PTPRN2: variants seen among roughly 807,000 people sequenced by gnomAD.
PTPRN2 encodes the protein protein tyrosine phosphatase receptor type N2, also known as receptor-type tyrosine-protein phosphatase N2.
PTPRN2 carries 74 observed loss-of-function variants against 118.8 expected under a neutral mutation model. That is an observed-to-expected ratio of 0.62 (90% CI 0.52 to 0.76). The LOEUF (loss-of-function observed/expected upper bound fraction) is 0.76, where lower values mean the gene tolerates loss of function less well. Ranked by LOEUF, PTPRN2 falls within the 30% of genes least tolerant of loss-of-function variation. The pLI is 0.00. For synonymous variants in PTPRN2, 641 were observed against 608.0 expected, an observed-to-expected ratio of 1.05 and a Z score of -0.80; for missense variants, 1,481 against 1,394.4, an observed-to-expected ratio of 1.06 and a Z score of -0.99.
At chr7:158,331,693 T>C (rs1176344078) in intron 2 of PTPRN2, among the ~76,000 whole-genome samples, 2 of 137,758 alleles carry the variant, frequency 1.5e-5, no homozygotes, top group African/African-American at 5.8e-5. Context: ...AGGTGACACT[T>C]GCAGACGTCA....
chr7:158,252,440 A>G (rs1484905663), intron 3 of PTPRN2, among the ~76,000 whole-genome samples: 1 of 152,134 alleles, frequency 6.6e-6, no homozygotes, highest in South Asian at 2.1e-4. Context: ...ACCCAAGCAT[A>G]CTGCTCCTGA....
intron 2 of PTPRN2, among the ~76,000 whole-genome samples, chr7:158,466,373 C>CT (rs760814560): frequency 1.8e-4 from 27 of 149,622 alleles, no homozygotes; most frequent in East Asian, 1.2e-3. Context: ...ATGTAGTCAA[C>CT]TTTTTTTTTT....
chr7:158,060,411 A>T (rs1810234992), intron 11 of PTPRN2, among the ~76,000 whole-genome samples: 1 of 152,168 alleles, frequency 6.6e-6, no homozygotes, highest in Non-Finnish European at 1.5e-5. Context: ...GTGTGTGTGT[A>T]ACCTGCTTTC....
chr7:158,146,446 G>A (rs892743992), intron 6 of PTPRN2, among the ~76,000 whole-genome samples: 10 of 152,208 alleles, frequency 6.6e-5, no homozygotes, highest in African/African-American at 2.4e-4. Flanking sequence ...AATAGGCTGG[G>A]CTTGGTGGCT....
In PTPRN2 at chr7:157,540,503, C is replaced by T. The variant is rs1002970652; in HGVS notation, c.*211G>A. 3.1e-5 allele frequency: 13 copies of T among 420,296 alleles called. No homozygotes were observed. Among genetic ancestry groups the T allele is most frequent in the Admixed American group, 3.0e-4 (7 of 23,468 alleles). The allele number at this position is 420,296 out of a possible 1,614,324, so 26.0% of individuals were successfully genotyped here. Reference sequence around the variant, plus strand: ...GAAAATTGATGAACCGATTCCCCTCCACCCGTAACTGGATTTTTCCACAAA... The same window carrying T: ...GAAAATTGATGAACCGATTCCCCTCTACCCGTAACTGGATTTTTCCACAAA... On this transcript the variant is annotated 3_prime_UTR_variant, in exon 23 of 23. Transcript: ENST00000389418.
chr7:158,120,117 G>A (rs1387410102), intron 9 of PTPRN2, among the ~76,000 whole-genome samples: 3 of 152,142 alleles, frequency 2.0e-5, no homozygotes, highest in Non-Finnish European at 4.4e-5. Flanking sequence ...CAAATTCTGT[G>A]TGTCTACCCA....
Position 157,580,559 on chromosome 7 carries a change from A to G in PTPRN2, c.2497-2419T>C, listed in dbSNP as rs376446059. ...CCCGAGCCGAGCCCCTGCACATCTG[A>G]GCACCTGCACATCCGAGCCCCTGCA... is the stretch of plus-strand genomic sequence containing the variant. On this transcript the variant is annotated intron_variant, in intron 17 of 22. Coordinates refer to ENST00000389418, the MANE Select transcript of PTPRN2 (RefSeq NM_002847.5). Among the ~76,000 whole-genome samples the G allele has an allele frequency of 2.9e-3, 360 of 123,060 alleles. 1 individual carries two copies. The highest frequency in any genetic ancestry group is 0.011 in the African/African-American group (344 of 31,236). The allele number at this position is 123,060 out of a possible 152,430, so 80.7% of individuals were successfully genotyped here.
chr7:158,066,196 A>C (rs1810759208), intron 11 of PTPRN2, among the ~76,000 whole-genome samples: 1 of 152,250 alleles, frequency 6.6e-6, no homozygotes, highest in African/African-American at 2.4e-5. Context: ...TCCGTCAGCA[A>C]GATGGTGTGC....
intron 3 of PTPRN2, among the ~76,000 whole-genome samples, chr7:158,243,672 C>T (rs1419379452): frequency 6.6e-6 from 1 of 152,148 alleles, no homozygotes; most frequent in Non-Finnish European, 1.5e-5. Flanking sequence ...AGGCTCTGCT[C>T]CTTGGCAGTA....
intron 1 of PTPRN2, among the ~76,000 whole-genome samples, chr7:158,580,181 G>A (rs1425583999): frequency 2.0e-5 from 3 of 152,194 alleles, no homozygotes; most frequent in East Asian, 1.9e-4. Context: ...CTAGAAGAGC[G>A]GCTATTTCAG....
chr7:158,400,102 C>G (rs1812821118), intron 2 of PTPRN2, among the ~76,000 whole-genome samples: 1 of 152,142 alleles, frequency 6.6e-6, no homozygotes, highest in South Asian at 2.1e-4. Flanking sequence ...TAACAGATGC[C>G]TTTATGTCAT....
intron 11 of PTPRN2, among the ~76,000 whole-genome samples, chr7:158,053,955 AC>A (rs1181701173): frequency 2.0e-5 from 3 of 150,906 alleles, no homozygotes; most frequent in African/African-American, 7.3e-5. Flanking sequence ...AGATGCAGAG[AC>A]CCCAGAGATG....
chr7:157,587,995 G>A lies in PTPRN2; in HGVS notation c.2496+7243C>T, dbSNP rs1050574135. Among the ~76,000 whole-genome samples, 7 of 150,420 alleles carry A rather than the reference G, an allele frequency of 4.7e-5. No individual in the cohort carries two copies. The highest frequency in any genetic ancestry group is 7.4e-5 in the African/African-American group (3 of 40,810). On this transcript the variant is annotated intron_variant, in intron 17 of 22. Transcript: ENST00000389418. The surrounding 1 kb of genome is among the most constrained non-coding windows in gnomAD (Gnocchi z 5.3). ...CTGGGCTCCCGCGGTGGCTGTCCCCGTGCCTGGGCTCCCGCGGTGGCTGTC... is the reference window on the plus strand; with the variant it reads ...CTGGGCTCCCGCGGTGGCTGTCCCCATGCCTGGGCTCCCGCGGTGGCTGTC...
chr7:158,556,244 T>A (rs1826981525), intron 1 of PTPRN2, among the ~76,000 whole-genome samples: 1 of 151,914 alleles, frequency 6.6e-6, no homozygotes, highest in Admixed American at 6.6e-5. Context: ...TAGATAGAGA[T>A]GATTGATACG....
At chr7:158,386,971 G>A (rs530332143) in intron 2 of PTPRN2, among the ~76,000 whole-genome samples, 3 of 152,288 alleles carry the variant, frequency 2.0e-5, no homozygotes, top group South Asian at 2.1e-4. Flanking sequence ...CTAAGCACTC[G>A]CCACAGGGGT....
chr7:157,758,556 C>A (rs1307388486), intron 12 of PTPRN2, among the ~76,000 whole-genome samples: 1 of 152,226 alleles, frequency 6.6e-6, no homozygotes, highest in Non-Finnish European at 1.5e-5. Context: ...AGGCAGGTGG[C>A]AGCTGCTGTG....
At chr7:158,466,983 G>A (rs1003346879) in intron 2 of PTPRN2, among the ~76,000 whole-genome samples, 4 of 152,248 alleles carry the variant, frequency 2.6e-5, no homozygotes, top group Non-Finnish European at 5.9e-5. Context: ...AGAGGTTGCA[G>A]TGAGCTGAGA....
intron 12 of PTPRN2, among the ~76,000 whole-genome samples, chr7:157,849,936 T>C (rs4019454): frequency 0.69 from 104,256 of 152,164 alleles, 36,100 homozygotes; most frequent in East Asian, 0.95. Flanking sequence ...GTGTGCCGTG[T>C]CCTGGGGACG....
At chr7:158,441,283 T>TGGTG (rs1817138222) in intron 2 of PTPRN2, among the ~76,000 whole-genome samples, 1 of 92,064 alleles carries the variant, frequency 1.1e-5, no homozygotes. Context: ...ATGGTGATGG[T>TGGTG]GGTGGTGGTG....
Sources: gnomAD v4.1 joint callset for allele counts (sites outside exome capture counted in the v4.1 genomes callset) on GRCh38, gnomAD v4.1.1 for gene constraint, Gnocchi (gnomAD v3.1) non-coding constraint, MANE v1.5 for transcripts, NCBI Gene and HGNC (gene_info 2026-07-23, HGNC 2026-07-21) for gene names.